DNAJC11: variants seen among roughly 807,000 people sequenced by gnomAD.
The protein encoded by DNAJC11 is dnaJ homolog subfamily C member 11.
DNAJC11 carries 15 observed loss-of-function variants against 78.6 expected under a neutral mutation model. That is an observed-to-expected ratio of 0.19 (90% confidence interval 0.13 to 0.29). The LOEUF (loss-of-function observed/expected upper bound fraction) is 0.29, where lower values mean the gene tolerates loss of function less well. Among genes scored for constraint, DNAJC11 ranks in the 10% least tolerant of loss-of-function variants. The probability of loss-of-function intolerance (pLI) is 1.00; values close to 1 mark genes in which losing one functional copy is unlikely to be tolerated. For missense variants in DNAJC11, 547 were observed against 709.6 expected, an observed-to-expected ratio of 0.77 and a Z score of 2.60; for synonymous variants, 292 against 272.1, an observed-to-expected ratio of 1.07 and a Z score of -0.72.
chr1:6,655,877 G>A (rs1570279886), intron 4 of DNAJC11, among the ~76,000 whole-genome samples: 1 of 152,076 alleles, frequency 6.6e-6, no homozygotes, highest in Non-Finnish European at 1.5e-5. Flanking sequence ...GCCGAGGCAG[G>A]CGGCTCACGA....
At chr1:6,658,796 G>A (rs1430310391) in intron 4 of DNAJC11, among the ~76,000 whole-genome samples, 1 of 152,122 alleles carries the variant, frequency 6.6e-6, no homozygotes, top group South Asian at 2.1e-4. Context: ...CCCTTGGGAG[G>A]AACCAACATA....
chr1:6,639,292 T>A (rs986673869), intron 11 of DNAJC11, among the ~76,000 whole-genome samples: 7 of 151,488 alleles, frequency 4.6e-5, no homozygotes, highest in Non-Finnish European at 7.4e-5. Flanking sequence ...AAGGAAAACT[T>A]CTTCTTTCTT....
chr1:6,676,777 T>C (rs1407685450), intron 3 of DNAJC11, among the ~76,000 whole-genome samples: 2 of 151,880 alleles, frequency 1.3e-5, no homozygotes, highest in African/African-American at 2.4e-5. Context: ...GGAAAGGAAA[T>C]AGGATCCTCT....
chr1:6,647,189 C>A (rs1385667242), intron 7 of DNAJC11, among the ~76,000 whole-genome samples: 5 of 146,704 alleles, frequency 3.4e-5, no homozygotes, highest in Non-Finnish European at 5.9e-5. Context: ...TCAAGTGATT[C>A]TCCTGCCTCA....
At chr1:6,659,512 C>T (rs576372236) in intron 4 of DNAJC11, among the ~76,000 whole-genome samples, 10 of 152,316 alleles carry the variant, frequency 6.6e-5, no homozygotes, top group African/African-American at 9.6e-5. Context: ...GTAATCACAG[C>T]GCTCTGGGAG....
At chr1:6,637,821 C>T (rs909352025) in intron 12 of DNAJC11, 17 of 482,564 alleles carry the variant, frequency 3.5e-5, no homozygotes, top group Non-Finnish European at 6.0e-5. Flanking sequence ...AAAAACAATG[C>T]GTTGTCAGCT....
intron 6 of DNAJC11, 21 bp downstream of exon 6, chr1:6,652,808 T>C (rs777334144): frequency 6.2e-7 from 1 of 1,614,012 alleles, no homozygotes. Context: ...ACAACACAAC[T>C]CAGCCAATAG....
rs527742742 is a variant in DNAJC11, at chr1:6,698,588, C to T, written c.72+3141G>A. Among the ~76,000 whole-genome samples the T allele has an allele frequency of 1.3e-4, 19 of 151,032 alleles. No homozygotes were observed. The South Asian group carries it at 4.0e-3, about 31-fold the overall frequency. On this transcript the variant is annotated intron_variant, in intron 1 of 15. Coordinates refer to ENST00000377577, the MANE Select transcript of DNAJC11 (RefSeq NM_018198.4). Reference sequence around the variant, plus strand: ...ATGGATTTAACCTATAGCCATATAGCCATAAATATGGAAAGTGCCTTCACT... The same window carrying T: ...ATGGATTTAACCTATAGCCATATAGTCATAAATATGGAAAGTGCCTTCACT...
At chr1:6,677,572 C>T (rs979291583) in intron 3 of DNAJC11, among the ~76,000 whole-genome samples, 4 of 152,198 alleles carry the variant, frequency 2.6e-5, no homozygotes, top group African/African-American at 9.7e-5. Context: ...GTTAGGATTA[C>T]AGGTGTGAGC....
At chr1:6,660,462 T>C (rs933111532) in intron 4 of DNAJC11, among the ~76,000 whole-genome samples, 1 of 152,110 alleles carries the variant, frequency 6.6e-6, no homozygotes, top group Non-Finnish European at 1.5e-5. Flanking sequence ...AGTCTTAATA[T>C]ATAATTTATA....
intron 6 of DNAJC11, 52 bp from the exon 7 acceptor site, chr1:6,651,654 G>A (rs1273491086): frequency 7.1e-7 from 1 of 1,418,324 alleles, no homozygotes; most frequent in African/African-American, 1.4e-5. Flanking sequence ...TCTCATAGCA[G>A]CAACCCAGGC....
At chr1:6,673,774 T>G (rs971403871) in intron 3 of DNAJC11, among the ~76,000 whole-genome samples, 6 of 152,244 alleles carry the variant, frequency 3.9e-5, no homozygotes, top group African/African-American at 1.4e-4. Flanking sequence ...CGAGGTGTCC[T>G]TAGTCTTCTC....
intron 1 of DNAJC11, among the ~76,000 whole-genome samples, chr1:6,687,163 C>T (rs1223887208): frequency 1.3e-5 from 2 of 152,000 alleles, no homozygotes; most frequent in Non-Finnish European, 2.9e-5. Flanking sequence ...AGCTGTTCTA[C>T]GGAGAGAAAG....
chr1:6,659,795 C>T (rs901203280), intron 4 of DNAJC11, among the ~76,000 whole-genome samples: 6 of 151,542 alleles, frequency 4.0e-5, no homozygotes, highest in Admixed American at 6.6e-5. Flanking sequence ...CGGTGGCTCA[C>T]GCCTGTAATC....
intron 1 of DNAJC11, 69 bp downstream of exon 1, chr1:6,701,660 C>A: frequency 3.5e-6 from 5 of 1,446,648 alleles, no homozygotes; most frequent in Non-Finnish European, 4.6e-6. Flanking sequence ...GGGCGGCCAC[C>A]GCCAGCCCGG....
intron 1 of DNAJC11, among the ~76,000 whole-genome samples, chr1:6,689,167 C>A (rs538199387): frequency 6.6e-6 from 1 of 152,258 alleles, no homozygotes; most frequent in South Asian, 2.1e-4. Context: ...TAATTTGGTA[C>A]AGCTTGACTG....
intron 1 of DNAJC11, among the ~76,000 whole-genome samples, chr1:6,687,184 A>G (rs748649794): frequency 6.6e-5 from 10 of 152,138 alleles, no homozygotes; most frequent in Non-Finnish European, 1.3e-4. Flanking sequence ...GGTGTCACAT[A>G]TTATTTGGTG....
chr1:6,644,134 T>C (rs1426156472), intron 10 of DNAJC11, among the ~76,000 whole-genome samples: 2 of 151,708 alleles, frequency 1.3e-5, no homozygotes, highest in Non-Finnish European at 2.9e-5. Flanking sequence ...CTGAATTTTT[T>C]TTTTTATATT....
At chr1:6,646,103 A>G (rs1297643689) in intron 7 of DNAJC11, 125 bp from the exon 8 acceptor site, 1 of 944,154 alleles carries the variant, frequency 1.1e-6, no homozygotes, top group Non-Finnish European at 1.6e-6. Flanking sequence ...GCCAGCTCCC[A>G]GTAAAAAAAA....
Sources: gnomAD v4.1 joint callset for allele counts (sites outside exome capture counted in the v4.1 genomes callset) on GRCh38, gnomAD v4.1.1 for gene constraint, MANE v1.5 for transcripts, NCBI Gene and HGNC (gene_info 2026-07-23, HGNC 2026-07-21) for gene names.